Variants in PARD3 observed in about 807,000 individuals in gnomAD.
PARD3 encodes the protein partitioning defective 3 homolog.
In PARD3, 75 loss-of-function variants were observed where a neutral mutation model predicts 155.4. That is an observed-to-expected ratio of 0.48 (90% CI 0.40 to 0.58). The LOEUF (loss-of-function observed/expected upper bound fraction) is 0.58, where lower values mean the gene tolerates loss of function less well. Ranked by LOEUF, PARD3 falls within the 20% of genes least tolerant of loss-of-function variation. PARD3 has a pLI of 0.00. For missense variants in PARD3, 1,642 were observed against 1,721.7 expected (o/e 0.95, Z 0.82); for synonymous variants, 576 against 610.5 (o/e 0.94, Z 0.83).
intron 1 of PARD3, among the ~76,000 whole-genome samples, chr10:34,699,957 G>A (rs1388527992): frequency 1.3e-5 from 2 of 152,116 alleles, no homozygotes; most frequent in Admixed American, 6.5e-5. Context: ...ATCAGTCATT[G>A]GGTGAATAAA....
At chr10:34,445,439 T>C (rs1333487879) in intron 5 of PARD3, among the ~76,000 whole-genome samples, 1 of 152,196 alleles carries the variant, frequency 6.6e-6, no homozygotes, top group Non-Finnish European at 1.5e-5. Flanking sequence ...GTATACAGTT[T>C]CACTCAAATC....
At chr10:34,654,052 C>T (rs2093095178) in intron 2 of PARD3, among the ~76,000 whole-genome samples, 1 of 152,014 alleles carries the variant, frequency 6.6e-6, no homozygotes, top group African/African-American at 2.4e-5. Flanking sequence ...AAACTCACAC[C>T]TTGTCTTTAT....
At chr10:34,200,800 G>A (rs959340322) in intron 22 of PARD3, among the ~76,000 whole-genome samples, 23 of 152,206 alleles carry the variant, frequency 1.5e-4, no homozygotes, top group African/African-American at 5.3e-4. Flanking sequence ...ACATGCAGAC[G>A]CCAGGGCTAT....
intron 1 of PARD3, among the ~76,000 whole-genome samples, chr10:34,761,669 C>G (rs1457184400): frequency 6.6e-6 from 1 of 152,144 alleles, no homozygotes; most frequent in African/African-American, 2.4e-5. Context: ...TTAAAATGAG[C>G]AGATTACCCT....
At chr10:34,345,382 T>C (rs1837302928) in intron 15 of PARD3, 2 of 985,154 alleles carry the variant, frequency 2.0e-6, no homozygotes, top group South Asian at 4.7e-5. Flanking sequence ...CATATGAAAA[T>C]TCAACCTGTT....
chr10:34,730,656 A>G lies in PARD3; in HGVS notation c.121-34237T>C, dbSNP rs1336530228. On this transcript the variant is annotated intron_variant, in intron 1 of 24. Transcript: ENST00000374788. ...AAAAATTAGCCATGTGTGATGATGC[A>G]TGCCTGTAGTCCTACCTGTACTGGA... 2.0e-5 allele frequency among the ~76,000 whole-genome samples: 3 copies of G among 152,166 alleles called. No homozygotes were observed. In the East Asian group the frequency reaches 5.8e-4, roughly 29 times the overall value.
intron 22 of PARD3, among the ~76,000 whole-genome samples, chr10:34,133,267 C>T (rs1362771986): frequency 3.3e-5 from 5 of 152,118 alleles, no homozygotes; most frequent in Non-Finnish European, 5.9e-5. Context: ...CAGACACTAC[C>T]GTGGGGCTGG....
At chr10:34,270,758 T>C (rs1320972520) in intron 21 of PARD3, among the ~76,000 whole-genome samples, 2 of 152,150 alleles carry the variant, frequency 1.3e-5, no homozygotes, top group African/African-American at 2.4e-5. Context: ...ATGGGATGCA[T>C]ACAGAAATGG....
At chr10:34,395,727 C>T (rs1843260170) in intron 7 of PARD3, among the ~76,000 whole-genome samples, 1 of 79,106 alleles carries the variant, frequency 1.3e-5, no homozygotes, top group Non-Finnish European at 2.1e-5. Flanking sequence ...GTCCCAGCTA[C>T]TCGGGAGGCT....
chr10:34,777,590 T>A (rs1839744462), intron 1 of PARD3, among the ~76,000 whole-genome samples: 1 of 152,146 alleles, frequency 6.6e-6, no homozygotes, highest in African/African-American at 2.4e-5. Flanking sequence ...CAGGCTGGAA[T>A]ACAGTGGTGC....
At chr10:34,703,803 G>C (rs1201701012) in intron 1 of PARD3, among the ~76,000 whole-genome samples, 2 of 152,132 alleles carry the variant, frequency 1.3e-5, no homozygotes, top group Non-Finnish European at 2.9e-5. Context: ...CTGGAATCTA[G>C]ACAATCATCT....
intron 7 of PARD3, among the ~76,000 whole-genome samples, chr10:34,396,214 G>A (rs947130973): frequency 1.3e-5 from 2 of 152,084 alleles, no homozygotes; most frequent in African/African-American, 4.8e-5. Context: ...GCCAGGCATG[G>A]TAGCATATGC....
intron 22 of PARD3, among the ~76,000 whole-genome samples, chr10:34,167,558 C>G (rs1949592492): frequency 6.6e-6 from 1 of 150,564 alleles, no homozygotes; most frequent in Non-Finnish European, 1.5e-5. Flanking sequence ...GAAGTTACTT[C>G]TGTGGTTAGC....
At chr10:34,364,231 T>A (rs549388348) in intron 12 of PARD3, among the ~76,000 whole-genome samples, 4 of 152,178 alleles carry the variant, frequency 2.6e-5, no homozygotes, top group Non-Finnish European at 5.9e-5. Flanking sequence ...AAAATTTGGA[T>A]GAGAATGTAC....
chr10:34,514,390 C>T (rs1462150494), intron 3 of PARD3, among the ~76,000 whole-genome samples: 1 of 152,200 alleles, frequency 6.6e-6, no homozygotes, highest in Non-Finnish European at 1.5e-5. Context: ...ATTAACTCAA[C>T]CCAGGACTCA....
intron 2 of PARD3, among the ~76,000 whole-genome samples, chr10:34,629,373 G>A (rs969192033): frequency 7.2e-5 from 11 of 152,244 alleles, no homozygotes; most frequent in East Asian, 1.9e-4. Flanking sequence ...GAAGTCTTTC[G>A]CTCTGCATGT....
At chr10:34,770,977 T>C (rs1838789676) in intron 1 of PARD3, among the ~76,000 whole-genome samples, 1 of 151,916 alleles carries the variant, frequency 6.6e-6, no homozygotes, top group South Asian at 2.1e-4. Context: ...ACCCTAAAAG[T>C]CTACAGGGTT....
At chr10:34,391,019 C>T (rs867425821) in intron 7 of PARD3, among the ~76,000 whole-genome samples, 1 of 152,158 alleles carries the variant, frequency 6.6e-6, no homozygotes, top group Non-Finnish European at 1.5e-5. Context: ...AGTGGCAGGG[C>T]TCAAGTCATC....
At chr10:34,575,975 T>C (rs1356084002) in intron 2 of PARD3, among the ~76,000 whole-genome samples, 2 of 152,184 alleles carry the variant, frequency 1.3e-5, no homozygotes, top group Non-Finnish European at 2.9e-5. Flanking sequence ...GCACCAGGCA[T>C]AGGCTTAGCC....
Sources: allele counts gnomAD v4.1 joint callset (sites outside exome capture counted in the v4.1 genomes callset), GRCh38; gene constraint gnomAD v4.1.1; transcripts MANE v1.5; gene names NCBI Gene and HGNC (gene_info 2026-07-23, HGNC 2026-07-21).